Variants in CTTNBP2 observed in about 807,000 individuals in gnomAD.
CTTNBP2 encodes cortactin binding protein 2, also known as cortactin-binding protein 2.
Under a neutral mutation model 156.9 loss-of-function variants are expected in CTTNBP2, and 108 were observed. That is an observed-to-expected ratio of 0.69 (90% CI 0.59 to 0.81). The LOEUF (loss-of-function observed/expected upper bound fraction) is 0.81, where lower values mean the gene tolerates loss of function less well. Among genes scored for constraint, CTTNBP2 ranks in the 30% least tolerant of loss-of-function variants. The pLI, the probability that CTTNBP2 is intolerant of heterozygous loss-of-function variation, is 0.00. For synonymous variants in CTTNBP2, 767 were observed against 751.8 expected, an observed-to-expected ratio of 1.02 and a Z score of -0.33; for missense variants, 1,924 against 2,035.4, an observed-to-expected ratio of 0.95 and a Z score of 1.05.
intron 9 of CTTNBP2, among the ~76,000 whole-genome samples, chr7:117,765,014 C>A (rs1797407883): frequency 6.6e-6 from 1 of 152,192 alleles, no homozygotes; most frequent in African/African-American, 2.4e-5. Flanking sequence ...TGGCTCACTG[C>A]AACCTCTGCC....
chr7:117,818,469 T>C (rs1332342127), intron 2 of CTTNBP2, among the ~76,000 whole-genome samples: 1 of 152,096 alleles, frequency 6.6e-6, no homozygotes, highest in Admixed American at 6.5e-5. Flanking sequence ...CAGGAAGAAA[T>C]GTGAGTCAGT....
intron 14 of CTTNBP2, among the ~76,000 whole-genome samples, chr7:117,741,436 A>C (rs1309487307): frequency 6.6e-6 from 1 of 152,232 alleles, no homozygotes; most frequent in African/African-American, 2.4e-5. Context: ...ATACAGAATA[A>C]AAATCCTTCT....
At chr7:117,847,392 T>C (rs539170600) in intron 2 of CTTNBP2, among the ~76,000 whole-genome samples, 30 of 152,208 alleles carry the variant, frequency 2.0e-4, no homozygotes, top group African/African-American at 6.5e-4. Context: ...AAAACTTAGC[T>C]GGGCGTGGAG....
chr7:117,760,919 G>A (rs1014534450), intron 9 of CTTNBP2, among the ~76,000 whole-genome samples: 7 of 151,924 alleles, frequency 4.6e-5, no homozygotes, highest in East Asian at 1.9e-4. Flanking sequence ...CACGCTGCAC[G>A]AACTGTCTCT....
At chr7:117,806,265 T>A (rs913238837) in intron 3 of CTTNBP2, among the ~76,000 whole-genome samples, 1 of 152,154 alleles carries the variant, frequency 6.6e-6, no homozygotes, top group Non-Finnish European at 1.5e-5. Flanking sequence ...ACCAAACACA[T>A]GGTTTTATAG....
In CTTNBP2 at chr7:117,718,131, A is replaced by C; in HGVS notation, c.4645-12T>G. 1 of 1,572,800 alleles carries C rather than the reference A, an allele frequency of 6.4e-7. No individual in the cohort carries two copies. Among genetic ancestry groups the C allele is most frequent in the Non-Finnish European group, 8.7e-7 (1 of 1,143,360 alleles). ...CTGGAATCAGCAATCTAGAAAATAC[A>C]GAATTTGCCCGGTCATGTCTCCACA... On this transcript the variant is annotated splice_polypyrimidine_tract_variant and intron_variant, in intron 21 of 22. Coordinates refer to ENST00000160373, the MANE Select transcript of CTTNBP2 (RefSeq NM_033427.3).
intron 22 of CTTNBP2, among the ~76,000 whole-genome samples, chr7:117,715,290 A>T (rs1436395607): frequency 6.6e-6 from 1 of 152,172 alleles, no homozygotes; most frequent in Non-Finnish European, 1.5e-5. Context: ...AGCTACATGA[A>T]GGCATCTCAA....
At chr7:117,847,646 A>T (rs1245573965) in intron 2 of CTTNBP2, among the ~76,000 whole-genome samples, 2 of 152,208 alleles carry the variant, frequency 1.3e-5, no homozygotes, top group South Asian at 2.1e-4. Context: ...TAAACTATAA[A>T]GTATATTCAT....
intron 22 of CTTNBP2, 23 bp from the exon 23 acceptor site, chr7:117,711,805 C>A (rs201641104): frequency 1.8e-5 from 29 of 1,593,716 alleles, no homozygotes; most frequent in Non-Finnish European, 2.2e-5. Flanking sequence ...AGAAACCACA[C>A]AAGTTTATCA....
intron 12 of CTTNBP2, among the ~76,000 whole-genome samples, chr7:117,747,548 G>A (rs34509824): frequency 1.5e-4 from 23 of 152,326 alleles, no homozygotes; most frequent in Admixed American, 1.0e-3. Flanking sequence ...CAAGGTGGGC[G>A]GATCACTTGA....
chr7:117,711,689 G>A lies in CTTNBP2; in HGVS notation c.4840C>T (p.Pro1614Ser). 6.2e-7 allele frequency: 1 copy of A among 1,614,066 alleles called. No individual in the cohort carries two copies. The highest frequency in any genetic ancestry group is 8.5e-7 in the Non-Finnish European group (1 of 1,179,960). The change falls in exon 23 of 23, where the codon CCT becomes TCT. Residue 1614 changes from proline to serine, a missense_variant. Transcript: ENST00000160373. The part of the protein sequence containing the change: ...LGVSRVKSFL[P>S]VPRSKVTQCS... ...TGGGTGACTTTACTTCTAGGAACAG[G>A]AAGAAAAGATTTAACTCTTGAAACA...
rs193292647 is a variant in CTTNBP2, at chr7:117,742,511, C to A, written c.3535+3320G>T. 7.2e-5 allele frequency among the ~76,000 whole-genome samples: 11 copies of A among 152,128 alleles called. No individual in the cohort carries two copies. In the East Asian group the frequency reaches 2.1e-3, roughly 29 times the overall value. ...GCGGGATGGGGAGGGGCAGAAATCA[C>A]AGGGATTTTAATCAGAGGTCTGCTG... On this transcript the variant is annotated intron_variant, in intron 14 of 22. Coordinates refer to ENST00000160373, the MANE Select transcript of CTTNBP2 (RefSeq NM_033427.3).
chr7:117,791,283 G>T lies in CTTNBP2; in HGVS notation c.1913C>A (p.Ala638Asp), dbSNP rs1370307699. ...VSALATSQVGAWPAATPGLNQ... is the reference protein window; with the variant it reads ...VSALATSQVGDWPAATPGLNQ... ...CAGTCCGGGGGTTGCAGCAGGCCAG[G>T]CACCCACCTGAGACGTGGCCAGGGC... The change falls in exon 4 of 23, where the codon GCC becomes GAC. Residue 638 changes from alanine to aspartate, a missense_variant. Transcript: ENST00000160373. 3 of 1,614,008 alleles carry T rather than the reference G, an allele frequency of 1.9e-6. No individual in the cohort carries two copies. Among genetic ancestry groups the T allele is most frequent in the African/African-American group, 2.7e-5 (2 of 74,898 alleles).
chr7:117,849,053 A>G (rs1172379759), intron 2 of CTTNBP2, among the ~76,000 whole-genome samples: 1 of 152,176 alleles, frequency 6.6e-6, no homozygotes, highest in Non-Finnish European at 1.5e-5. Flanking sequence ...GCACTTGCTG[A>G]CTTTTGAAAA....
intron 14 of CTTNBP2, among the ~76,000 whole-genome samples, chr7:117,735,873 G>A (rs914676290): frequency 6.6e-6 from 1 of 152,082 alleles, no homozygotes; most frequent in African/African-American, 2.4e-5. Context: ...CATACACAGG[G>A]AGTAAAACTA....
At chr7:117,773,836 A>C (rs1334020350) in intron 8 of CTTNBP2, among the ~76,000 whole-genome samples, 2 of 152,118 alleles carry the variant, frequency 1.3e-5, no homozygotes, top group Non-Finnish European at 2.9e-5. Flanking sequence ...CAACTTGTTA[A>C]AACACCCAGG....
At chr7:117,770,822 T>C (rs1473745252) in intron 8 of CTTNBP2, among the ~76,000 whole-genome samples, 2 of 152,210 alleles carry the variant, frequency 1.3e-5, no homozygotes, top group Non-Finnish European at 2.9e-5. Flanking sequence ...ACAAATGCTG[T>C]GATCCCAGTC....
chr7:117,737,107 G>C (rs1177004973), intron 14 of CTTNBP2, among the ~76,000 whole-genome samples: 2 of 152,096 alleles, frequency 1.3e-5, no homozygotes, highest in Admixed American at 6.5e-5. Context: ...CAATCTAGTT[G>C]TACTTGTGGA....
At chr7:117,866,987 G>C (rs1804244894) in intron 1 of CTTNBP2, among the ~76,000 whole-genome samples, 5 of 152,150 alleles carry the variant, frequency 3.3e-5, no homozygotes, top group Admixed American at 3.3e-4. Flanking sequence ...AAATCAACTT[G>C]AAAGTTCACC....
Sources: allele counts gnomAD v4.1 joint callset (sites outside exome capture counted in the v4.1 genomes callset), GRCh38; gene constraint gnomAD v4.1.1; transcripts MANE v1.5; gene names NCBI Gene and HGNC (gene_info 2026-07-23, HGNC 2026-07-21).